Variants in CIAPIN1 observed in about 807,000 individuals in gnomAD.
CIAPIN1 encodes cytokine induced apoptosis inhibitor 1.
Under a neutral mutation model 34.3 loss-of-function variants are expected in CIAPIN1, and 18 were observed. That is an observed-to-expected ratio of 0.52 (90% CI 0.36 to 0.78). The LOEUF (loss-of-function observed/expected upper bound fraction) is 0.78. Ranked by LOEUF, CIAPIN1 falls within the 30% of genes least tolerant of loss-of-function variation. CIAPIN1 has a pLI of 0.00. For missense variants in CIAPIN1, 310 were observed against 372.5 expected, an observed-to-expected ratio of 0.83 and a Z score of 1.38; for synonymous variants, 131 against 140.4, an observed-to-expected ratio of 0.93 and a Z score of 0.47.
At chr16:57,433,901 T>A in intron 5 of CIAPIN1, 143 bp downstream of exon 5, 1 of 747,734 alleles carries the variant, frequency 1.3e-6, no homozygotes, top group Non-Finnish European at 2.3e-6. Flanking sequence ...TAATAGTACA[T>A]TAAGTATTCT....
At position 57,432,506 on chromosome 16, in the gene CIAPIN1, T is replaced by C. The variant is rs1903110448; in HGVS notation, c.611A>G (p.Asp204Gly). 1.2e-6 allele frequency: 2 copies of C among 1,613,506 alleles called. No homozygotes were observed. The highest frequency in any genetic ancestry group is 3.3e-5 in the Admixed American group (2 of 59,998). ...GCTCACCATGCTGTCGTCCTCCATA[T>C]CGTTGGCTGAGAGGGTCCACAGCTT... ...AAKLWTLSAN[D>G]MEDDSMDLID... is the part of the protein sequence containing the mutation. Residue 204 changes from aspartate to glycine, a missense_variant, in exon 6 of 9, where the codon GAT becomes GGT. Asp to Gly is a moderately conservative substitution (Grantham distance 94). Transcript: ENST00000394391.
chr16:57,437,137 C>CA (rs1210223028), intron 3 of CIAPIN1, among the ~76,000 whole-genome samples: 139 of 147,842 alleles, frequency 9.4e-4, no homozygotes, highest in Admixed American at 2.6e-3. Context: ...AAAGAAAAAA[C>CA]AAAAAAAAAA....
rs1237255978 is a variant in CIAPIN1, at chr16:57,447,323, T to C, written c.-56+19A>G. On this transcript the variant is annotated intron_variant, in intron 1 of 8. Transcript: ENST00000394391. ...AGTTGAGGGAGCTCTGGCGCTCAGC[T>C]GGCCCCCACCACTCTCACCTGCCGC... 9.1e-6 allele frequency: 4 copies of C among 441,260 alleles called. No homozygotes were observed. The highest frequency in any genetic ancestry group is 2.0e-5 in the African/African-American group (1 of 49,352). 27.3% of individuals were successfully genotyped at this position (441,260 alleles called of 1,614,324 possible).
intron 3 of CIAPIN1, among the ~76,000 whole-genome samples, chr16:57,437,051 T>C (rs977682055): frequency 6.6e-6 from 1 of 152,080 alleles, no homozygotes; most frequent in Non-Finnish European, 1.5e-5. Flanking sequence ...CGCTTGAACC[T>C]GGGAGGCGGA....
chr16:57,445,322 C>A (rs1184138923), intron 1 of CIAPIN1, among the ~76,000 whole-genome samples: 1 of 152,104 alleles, frequency 6.6e-6, no homozygotes, highest in African/African-American at 2.4e-5. Flanking sequence ...GCCTGGCCAA[C>A]ATGGAGAAAA....
chr16:57,439,241 G>A lies in CIAPIN1; in HGVS notation c.251C>T (p.Ala84Val). The A allele has an allele frequency of 6.2e-7, 1 of 1,614,170 alleles. No homozygotes were observed. Among genetic ancestry groups the A allele is most frequent in the South Asian group, 1.1e-5 (1 of 91,078 alleles). Residue 84 changes from alanine (A) to valine (V), a missense_variant, in exon 3 of 9, where the codon GCC becomes GTC. Physicochemically the swap from Ala to Val is moderately conservative, Grantham distance 64. Coordinates refer to ENST00000394391, the MANE Select transcript of CIAPIN1 (RefSeq NM_020313.4). ...LHSAEILAEI[A>V]RILRPGGCLF... ...ACATCCACCAGGCCGAAGGATCCGGGCGATTTCAGCCAAAATCTCAGCACT... is the reference window on the plus strand; with the variant it reads ...ACATCCACCAGGCCGAAGGATCCGGACGATTTCAGCCAAAATCTCAGCACT...
chr16:57,429,251 G>A lies in CIAPIN1; in HGVS notation c.858C>T (p.Ala286=), dbSNP rs2146552403. The A allele has an allele frequency of 6.2e-7, 1 of 1,614,006 alleles. No individual in the cohort carries two copies. Among genetic ancestry groups the A allele is most frequent in the Non-Finnish European group, 8.5e-7 (1 of 1,179,950 alleles). ...NCYLGDAFRC[A]SCPYLGMPAF... ...CTGGCATCCCAAGGTAGGGGCAGCTGGCACAGCGGAAGGCATCGCCCAGGT... is the reference window on the plus strand; with the variant it reads ...CTGGCATCCCAAGGTAGGGGCAGCTAGCACAGCGGAAGGCATCGCCCAGGT... Residue 286 remains alanine (A), a synonymous_variant, in exon 9 of 9, where the codon GCC becomes GCT. Transcript: ENST00000394391.
intron 3 of CIAPIN1, among the ~76,000 whole-genome samples, chr16:57,437,854 C>T (rs1367404609): frequency 6.6e-6 from 1 of 152,090 alleles, no homozygotes; most frequent in East Asian, 1.9e-4. Flanking sequence ...TTTGACAAAT[C>T]CTTTTTGTTG....
At position 57,434,132 on chromosome 16, in the gene CIAPIN1, A is replaced by G; in HGVS notation, c.468T>C (p.Phe156=). The G allele has an allele frequency of 6.2e-7, 1 of 1,614,202 alleles. No homozygotes were observed. Residue 156 remains phenylalanine, a synonymous_variant, in exon 5 of 9, where the codon TTT becomes TTC. Transcript: ENST00000394391. ...TTGGTTTTTTGCCTGTGATCTGAAC[A>G]AACAGCAGGTTGTCACTTTCATGAC... ...HLGHESDNLL[F]VQITGKKPNF... is the part of the protein sequence containing the mutation.
chr16:57,445,037 T>C (rs2029998945), intron 1 of CIAPIN1, among the ~76,000 whole-genome samples: 1 of 152,170 alleles, frequency 6.6e-6, no homozygotes, highest in African/African-American at 2.4e-5. Flanking sequence ...CAGACTGTTT[T>C]TTAGGTGCCC....
chr16:57,437,092 A>G (rs1903219380), intron 3 of CIAPIN1, among the ~76,000 whole-genome samples: 1 of 152,138 alleles, frequency 6.6e-6, no homozygotes, highest in Non-Finnish European at 1.5e-5. Context: ...GCACCACTGC[A>G]CTCTTGCCTG....
chr16:57,429,211 C>A lies in CIAPIN1; in HGVS notation c.898G>T (p.Glu300Ter). The A allele has an allele frequency of 6.2e-7, 1 of 1,613,494 alleles. No homozygotes were observed. Among genetic ancestry groups the A allele is most frequent in the Non-Finnish European group, 8.5e-7 (1 of 1,179,938 alleles). ...YLGMPAFKPG[E>*]KVLLSDSNLH... The stretch of plus-strand genomic sequence containing the variant: ...TTGCTATCACTCAGAAGCACCTTTT[C>A]CCCAGGTTTGAAGGCTGGCATCCCA... The change falls in exon 9 of 9, where the codon GAA (glutamate) becomes TAA (stop). Residue 300 changes from glutamate to a stop codon, truncating the protein, a stop_gained. Transcript: ENST00000394391. LOFTEE classifies it high-confidence loss of function.
At chr16:57,438,670 T>C (rs1300898753) in intron 3 of CIAPIN1, among the ~76,000 whole-genome samples, 1 of 152,254 alleles carries the variant, frequency 6.6e-6, no homozygotes, top group Non-Finnish European at 1.5e-5. Context: ...AATTGTTCTA[T>C]CACCACAGGA....
intron 2 of CIAPIN1, 21 bp from the exon 3 acceptor site, chr16:57,439,355 A>T (rs752569472): frequency 2.1e-5 from 34 of 1,613,848 alleles, no homozygotes; most frequent in Non-Finnish European, 2.9e-5. Flanking sequence ...GAGGACTCTA[A>T]TTAGCAATCT....
chr16:57,438,133 T>A (rs149681960), intron 3 of CIAPIN1, among the ~76,000 whole-genome samples: 1 of 152,360 alleles, frequency 6.6e-6, no homozygotes, highest in East Asian at 1.9e-4. Context: ...TAACACAAAG[T>A]TCTATTTCCA....
rs1011650205 is a variant in CIAPIN1 at position 57,436,142 on chromosome 16, G to A, written c.387+514C>T. The stretch of plus-strand genomic sequence containing the variant: ...CTCAGCTGTCACCACCACTAAACTA[G>A]TACCAAGGAGACAAGAACAAGCCCC... On this transcript the variant is annotated intron_variant, in intron 4 of 8. Transcript: ENST00000394391. Among the ~76,000 whole-genome samples the A allele has an allele frequency of 2.0e-5, 3 of 152,194 alleles. No homozygotes were observed. In the South Asian group the frequency reaches 6.2e-4, roughly 31 times the overall value.
chr16:57,429,407 A>G lies in CIAPIN1; in HGVS notation c.829-127T>C, dbSNP rs1336788384. 2.0e-5 allele frequency: 13 copies of G among 638,020 alleles called. No individual in the cohort carries two copies. The African/African-American group carries it at 2.2e-4, about 11-fold the overall frequency. 39.5% of individuals were successfully genotyped at this position (638,020 alleles called of 1,614,324 possible). On this transcript the variant is annotated intron_variant, in intron 8 of 8. Transcript: ENST00000394391. ...GGAAATGGCTATGTTTGCAGGTCCA[A>G]TTGAGACCAAAATACTAAGAGTTTT...
At chr16:57,432,094 C>T (rs1567570130) in intron 6 of CIAPIN1, among the ~76,000 whole-genome samples, 3 of 152,116 alleles carry the variant, frequency 2.0e-5, no homozygotes, top group Non-Finnish European at 4.4e-5. Flanking sequence ...GGGCAGATCA[C>T]TTGAGGTCAG....
intron 1 of CIAPIN1, among the ~76,000 whole-genome samples, chr16:57,445,190 T>C (rs1026670910): frequency 4.6e-5 from 7 of 152,160 alleles, no homozygotes; most frequent in African/African-American, 1.7e-4. Context: ...CTGACAGTTA[T>C]CAGAAAGGAA....
Sources: allele counts gnomAD v4.1 joint callset (sites outside exome capture counted in the v4.1 genomes callset), GRCh38; gene constraint gnomAD v4.1.1; transcripts MANE v1.5; gene names NCBI Gene and HGNC (gene_info 2026-07-23, HGNC 2026-07-21).